COL21A1: variants seen among roughly 807,000 people sequenced by gnomAD.
The protein encoded by COL21A1 is collagen alpha-1(XXI) chain.
COL21A1 carries 149 observed loss-of-function variants against 137.9 expected under a neutral mutation model. The observed-to-expected ratio is 1.08, with a 90% confidence interval of 0.95 to 1.24. COL21A1 has a LOEUF of 1.24. Ranked by LOEUF, COL21A1 falls within the 50% of genes most tolerant of loss-of-function variation. COL21A1 has a pLI of 0.00. For synonymous variants in COL21A1, 456 were observed against 391.5 expected, an observed-to-expected ratio of 1.16 and a Z score of -1.95; for missense variants, 1,167 against 1,158.4, an observed-to-expected ratio of 1.01 and a Z score of -0.11.
rs1765371743 is a variant in COL21A1 at position 56,056,670 on chromosome 6, C to A, written c.*987G>T. On this transcript the variant is annotated 3_prime_UTR_variant, in exon 30 of 30. Transcript: ENST00000244728. ...TGAGCATGACAAGGATGAAATATTT[C>A]AAATTCTGTTTCTTACAAAAGCATT... The A allele has an allele frequency of 6.6e-6, 1 of 152,116 alleles. No individual in the cohort carries two copies. The allele number at this position is 152,116 out of a possible 1,614,324, so 9.4% of individuals were successfully genotyped here.
At chr6:56,386,135 G>C (rs2094017755) in intron 1 of COL21A1, among the ~76,000 whole-genome samples, 2 of 152,124 alleles carry the variant, frequency 1.3e-5, no homozygotes, top group Non-Finnish European at 2.9e-5. Flanking sequence ...TTTTAGTAGA[G>C]ATGGAGTTTT....
intron 1 of COL21A1, among the ~76,000 whole-genome samples, chr6:56,312,775 T>G (rs9396201): frequency 6.6e-6 from 1 of 151,992 alleles, no homozygotes; most frequent in Non-Finnish European, 1.5e-5. Flanking sequence ...AGAATGAGAA[T>G]AATGGACTGA....
chr6:56,298,468 T>C (rs1764208340), intron 1 of COL21A1, among the ~76,000 whole-genome samples: 1 of 151,900 alleles, frequency 6.6e-6, no homozygotes. Flanking sequence ...TCAGAAGCAG[T>C]TGAGTTTGTT....
At chr6:56,179,553 T>TA in intron 3 of COL21A1, 25 bp downstream of exon 3, 1 of 1,546,650 alleles carries the variant, frequency 6.5e-7, no homozygotes, top group Non-Finnish European at 8.8e-7. Context: ...GCTTCCAAAT[T>TA]ATATTAAGGC....
At chr6:56,206,219 G>A (rs1340962753) in intron 1 of COL21A1, among the ~76,000 whole-genome samples, 1 of 151,678 alleles carries the variant, frequency 6.6e-6, no homozygotes, top group Admixed American at 6.6e-5. Flanking sequence ...ACCCATCAGT[G>A]TGCTGTATCC....
intron 1 of COL21A1, among the ~76,000 whole-genome samples, chr6:56,245,452 G>A (rs1782584722): frequency 6.6e-6 from 1 of 152,126 alleles, no homozygotes; most frequent in South Asian, 2.1e-4. Context: ...AGTGCAGTTG[G>A]TATTTAAATA....
At chr6:56,228,548 G>A (rs1043820600) in intron 1 of COL21A1, among the ~76,000 whole-genome samples, 12 of 140,304 alleles carry the variant, frequency 8.6e-5, no homozygotes, top group African/African-American at 3.2e-4. Flanking sequence ...AGAAAATTAA[G>A]CACAAATTTC....
At chr6:56,136,829 CAATG>C (rs1474671548) in intron 12 of COL21A1, among the ~76,000 whole-genome samples, 1 of 152,118 alleles carries the variant, frequency 6.6e-6, no homozygotes, top group Admixed American at 6.6e-5. Context: ...CTATGATCTA[CAATG>C]AACTATCCCT....
chr6:56,208,718 A>G (rs1336363738), intron 1 of COL21A1, among the ~76,000 whole-genome samples: 2 of 152,266 alleles, frequency 1.3e-5, no homozygotes, highest in South Asian at 2.1e-4. Flanking sequence ...CATAGCCAAG[A>G]CAATCCTAGG....
chr6:56,117,515 T>C (rs933086383), intron 16 of COL21A1, among the ~76,000 whole-genome samples: 3 of 152,004 alleles, frequency 2.0e-5, no homozygotes, highest in African/African-American at 7.2e-5. Flanking sequence ...ATTTTCAGCA[T>C]TGGACAGATT....
chr6:56,076,926 TGTA>T (rs747385941), intron 18 of COL21A1, among the ~76,000 whole-genome samples: 59 of 151,524 alleles, frequency 3.9e-4, no homozygotes, highest in South Asian at 1.2e-3. Context: ...CTAGACATAT[TGTA>T]GTGAATTTGA....
intron 1 of COL21A1, among the ~76,000 whole-genome samples, chr6:56,282,490 C>T (rs537711807): frequency 2.6e-5 from 4 of 152,262 alleles, no homozygotes; most frequent in African/African-American, 9.6e-5. Flanking sequence ...GAAATATGTT[C>T]AGTCAGATGA....
intron 1 of COL21A1, among the ~76,000 whole-genome samples, chr6:56,266,535 T>C (rs977872011): frequency 6.6e-6 from 1 of 152,222 alleles, no homozygotes; most frequent in African/African-American, 2.4e-5. Context: ...ACTTGGCATT[T>C]TACAGAAAAT....
intron 1 of COL21A1, among the ~76,000 whole-genome samples, chr6:56,253,825 ATAAC>A (rs1782910119): frequency 6.6e-6 from 1 of 152,238 alleles, no homozygotes; most frequent in African/African-American, 2.4e-5. Flanking sequence ...GGCAACAATA[ATAAC>A]TATTTTAATA....
At chr6:56,297,008 A>C (rs888035143) in intron 1 of COL21A1, among the ~76,000 whole-genome samples, 2 of 151,960 alleles carry the variant, frequency 1.3e-5, no homozygotes, top group African/African-American at 4.8e-5. Context: ...CTCTTTACCC[A>C]CTTATTTAAA....
At chr6:56,108,570 C>A (rs1370729590) in intron 16 of COL21A1, among the ~76,000 whole-genome samples, 12 of 151,784 alleles carry the variant, frequency 7.9e-5, no homozygotes. Flanking sequence ...TTAAAAATAT[C>A]TATACAATGA....
At chr6:56,393,392 A>G (rs2094033707) in intron 1 of COL21A1, among the ~76,000 whole-genome samples, 1 of 152,192 alleles carries the variant, frequency 6.6e-6, no homozygotes, top group Admixed American at 6.5e-5. Context: ...ACTATGAAAC[A>G]ACACAAAGAA....
chr6:56,073,191 A>G (rs1179632991), intron 20 of COL21A1, among the ~76,000 whole-genome samples: 2 of 151,568 alleles, frequency 1.3e-5, no homozygotes, highest in Admixed American at 1.3e-4. Flanking sequence ...ATTGTGCACC[A>G]CTTAATAAGG....
rs148010638 is a variant in COL21A1 at position 56,171,780 on chromosome 6, T to C, written c.641-652A>G. 5.9e-3 allele frequency among the ~76,000 whole-genome samples: 894 copies of C among 151,990 alleles called. 5 individuals are homozygous for C. The highest frequency in any genetic ancestry group is 0.02 in the Middle Eastern group (6 of 294). ...TATAATTATATATTAATCATACTTATAAAGAATATTTTCTTAAGAATAATC... is the reference window on the plus strand; with the variant it reads ...TATAATTATATATTAATCATACTTACAAAGAATATTTTCTTAAGAATAATC... On this transcript the variant is annotated intron_variant, in intron 3 of 29. Coordinates refer to ENST00000244728, the MANE Select transcript of COL21A1 (RefSeq NM_030820.4).
Sources: gnomAD v4.1 joint callset for allele counts (sites outside exome capture counted in the v4.1 genomes callset) on GRCh38, gnomAD v4.1.1 for gene constraint, MANE v1.5 for transcripts, NCBI Gene and HGNC (gene_info 2026-07-23, HGNC 2026-07-21) for gene names.